The following SEPTIN9 variants were observed in gnomAD, a reference collection of about 807,000 sequenced individuals.
The protein encoded by SEPTIN9 is septin 9, also known as septin-9.
SEPTIN9 carries 13 observed loss-of-function variants against 56.6 expected under a neutral mutation model. The observed-to-expected ratio is 0.23, with a 90% CI of 0.15 to 0.37. The LOEUF is 0.37. SEPTIN9 is among the 10% of genes least tolerant of loss of function. The probability of loss-of-function intolerance (pLI) is 1.00; values close to 1 mark genes in which losing one functional copy is unlikely to be tolerated. For missense variants in SEPTIN9, 650 were observed against 823.1 expected (o/e 0.79, Z 2.57); for synonymous variants, 332 against 334.1 (o/e 0.99, Z 0.07).
intron 2 of SEPTIN9, among the ~76,000 whole-genome samples, chr17:77,309,820 C>T (rs1313470536): frequency 6.6e-6 from 1 of 152,220 alleles, no homozygotes; most frequent in Non-Finnish European, 1.5e-5. Context: ...TACTCACCAT[C>T]CCGCTTAAGA....
In SEPTIN9 at chr17:77,411,757, T is replaced by G. The variant is rs533837888; in HGVS notation, c.721+9054T>G. On this transcript the variant is annotated intron_variant, in intron 3 of 11. Coordinates refer to ENST00000427177, the MANE Select transcript of SEPTIN9 (RefSeq NM_001113491.2). ...ACTGTGATTGAGAGGCTGCAACAGA[T>G]GTTCTCGCACTTGTACATGTGCACA... Among the ~76,000 whole-genome samples, 308 of 152,318 alleles carry G rather than the reference T, an allele frequency of 2.0e-3. 12 individuals are homozygous for G. In the South Asian group the frequency reaches 0.053, roughly 26 times the overall value.
At chr17:77,375,157 C>T (rs2034876013) in intron 2 of SEPTIN9, 1 of 152,438 alleles carries the variant, frequency 6.6e-6, no homozygotes, top group Non-Finnish European at 1.5e-5. Flanking sequence ...GTGAATGTGA[C>T]CTCCCTGCCC....
At chr17:77,336,279 G>A (rs1872721191) in intron 2 of SEPTIN9, among the ~76,000 whole-genome samples, 1 of 152,112 alleles carries the variant, frequency 6.6e-6, no homozygotes, top group African/African-American at 2.4e-5. Context: ...AATGCAGTGT[G>A]AATTTTGGTT....
chr17:77,320,201 G>A (rs2032856758), intron 2 of SEPTIN9: 6 of 1,602,186 alleles, frequency 3.7e-6, no homozygotes, highest in South Asian at 1.1e-5. Context: ...CAGACAAAGA[G>A]TGTTTTTAGA....
In SEPTIN9 at chr17:77,429,556, G is replaced by A. The variant is rs908814157; in HGVS notation, c.721+26853G>A. ...GGTTCCTGTTTTCTGGGCTTTGATC[G>A]AAAGGGAACAGGGGACACATCTGGG... On this transcript the variant is annotated intron_variant, in intron 3 of 11. Coordinates refer to ENST00000427177, the MANE Select transcript of SEPTIN9 (RefSeq NM_001113491.2). This position sits in a 1 kb window ranked among gnomAD's most constrained non-coding sequence, Gnocchi z 5.2. Among the ~76,000 whole-genome samples the A allele has an allele frequency of 2.0e-5, 3 of 152,226 alleles. No homozygotes were observed. The highest frequency in any genetic ancestry group is 4.8e-5 in the African/African-American group (2 of 41,450).
intron 2 of SEPTIN9, chr17:77,377,041 C>G (rs1401948415): frequency 6.6e-6 from 1 of 152,352 alleles, no homozygotes; most frequent in Non-Finnish European, 1.5e-5. Context: ...GAGAGGGTAT[C>G]AGTGTCTTCC....
intron 3 of SEPTIN9, among the ~76,000 whole-genome samples, chr17:77,458,770 G>C (rs2038329668): frequency 6.6e-6 from 1 of 152,182 alleles, no homozygotes; most frequent in Non-Finnish European, 1.5e-5. Context: ...TGAAGTTTCT[G>C]ATCCAGTGAG....
At chr17:77,399,857 A>G (rs1270535104) in intron 2 of SEPTIN9, among the ~76,000 whole-genome samples, 7 of 152,100 alleles carry the variant, frequency 4.6e-5, no homozygotes, top group South Asian at 2.1e-4. Context: ...CACACCCCTG[A>G]CTCTGGGGCT....
At chr17:77,485,601 C>T (rs143811889) in intron 4 of SEPTIN9, among the ~76,000 whole-genome samples, 2 of 151,944 alleles carry the variant, frequency 1.3e-5, no homozygotes, top group African/African-American at 2.4e-5. Context: ...TGCAGTATCC[C>T]AGTTGGCATC....
At chr17:77,397,684 T>A (rs1389267936) in intron 2 of SEPTIN9, among the ~76,000 whole-genome samples, 2 of 152,086 alleles carry the variant, frequency 1.3e-5, no homozygotes, top group African/African-American at 4.8e-5. Flanking sequence ...AAGTCTTGCT[T>A]TGTCGCCCAG....
chr17:77,419,172 T>A (rs1482394050), intron 3 of SEPTIN9, among the ~76,000 whole-genome samples: 1 of 152,178 alleles, frequency 6.6e-6, no homozygotes, highest in Non-Finnish European at 1.5e-5. Context: ...AGAAGGCCGC[T>A]GTTTGAACGG....
At chr17:77,355,030 G>A (rs571720008) in intron 2 of SEPTIN9, among the ~76,000 whole-genome samples, 3 of 152,206 alleles carry the variant, frequency 2.0e-5, no homozygotes, top group Admixed American at 6.5e-5. Flanking sequence ...TTCCCATCAC[G>A]TCAGGGCCAG....
intron 7 of SEPTIN9, 53 bp from the exon 8 acceptor site, chr17:77,490,689 C>T (rs1598467453): frequency 3.6e-6 from 5 of 1,372,968 alleles, no homozygotes; most frequent in Admixed American, 2.0e-5. Flanking sequence ...GGTGGGTGCC[C>T]CCCCACTGCC....
intron 2 of SEPTIN9, 27 bp downstream of exon 2, chr17:77,307,224 C>CA (rs2032307245): frequency 6.2e-7 from 1 of 1,604,290 alleles, no homozygotes; most frequent in Admixed American, 1.7e-5. Flanking sequence ...GCTCTGGCCC[C>CA]ACCCAGCTCA....
intron 3 of SEPTIN9, among the ~76,000 whole-genome samples, chr17:77,479,342 T>G (rs1413743357): frequency 6.6e-6 from 1 of 152,218 alleles, no homozygotes; most frequent in Non-Finnish European, 1.5e-5. Flanking sequence ...GGGTCTCTGC[T>G]TTTCCCACTT....
At chr17:77,288,432 C>T (rs1420286023) in intron 1 of SEPTIN9, among the ~76,000 whole-genome samples, 1 of 152,234 alleles carries the variant, frequency 6.6e-6, no homozygotes, top group Non-Finnish European at 1.5e-5. Context: ...AGCAGCATTG[C>T]CTGCCAGGTT....
rs569576128 is a variant in SEPTIN9 at position 77,453,173 on chromosome 17, G to A, written c.722-28971G>A. On this transcript the variant is annotated intron_variant, in intron 3 of 11. Coordinates refer to ENST00000427177, the MANE Select transcript of SEPTIN9 (RefSeq NM_001113491.2). The surrounding 1 kb of genome is among the most constrained non-coding windows in gnomAD (Gnocchi z 4.4). ...GCGGTGGGGAGGACCCACTGTGTGC[G>A]CCTGGGGGGTGGCGTGGGGCACTCT... Among the ~76,000 whole-genome samples, 118 of 152,216 alleles carry A rather than the reference G, an allele frequency of 7.8e-4. No individual in the cohort carries two copies. Among genetic ancestry groups the A allele is most frequent in the African/African-American group, 2.7e-3 (112 of 41,520 alleles).
At chr17:77,430,594 A>C (rs2037091446) in intron 3 of SEPTIN9, among the ~76,000 whole-genome samples, 1 of 152,174 alleles carries the variant, frequency 6.6e-6, no homozygotes, top group African/African-American at 2.4e-5. Flanking sequence ...GATCCTAGCC[A>C]CTTGGAGCTG....
At chr17:77,282,029 G>T (rs115857999) in intron 1 of SEPTIN9, 7,129 of 154,928 alleles carry the variant, frequency 0.046, 251 homozygotes, top group South Asian at 0.097. Flanking sequence ...AGATGGGACC[G>T]TCCAGCAGCG....
Sources: allele counts gnomAD v4.1 joint callset (sites outside exome capture counted in the v4.1 genomes callset), GRCh38; gene constraint gnomAD v4.1.1; non-coding constraint Gnocchi (gnomAD v3.1); transcripts MANE v1.5; gene names NCBI Gene and HGNC (gene_info 2026-07-23, HGNC 2026-07-21).